Variants in FBN2 observed in about 807,000 individuals in gnomAD.
The protein encoded by FBN2 is fibrillin-2.
A neutral mutation model predicts 355.6 loss-of-function variants in FBN2; 105 were observed. The observed-to-expected ratio is 0.30, with a 90% CI of 0.25 to 0.35. The LOEUF (loss-of-function observed/expected upper bound fraction) is 0.35, where lower values mean the gene tolerates loss of function less well. Among genes scored for constraint, FBN2 ranks in the 10% least tolerant of loss-of-function variants. FBN2 has a pLI of 1.00. For missense variants in FBN2, 3,280 were observed against 3,758.7 expected, an observed-to-expected ratio of 0.87 and a Z score of 3.33; for synonymous variants, 1,350 against 1,301.2, an observed-to-expected ratio of 1.04 and a Z score of -0.81.
intron 55 of FBN2, among the ~76,000 whole-genome samples, chr5:128,286,329 G>T (rs1415964149): frequency 6.6e-6 from 1 of 152,132 alleles, no homozygotes; most frequent in African/African-American, 2.4e-5. Flanking sequence ...GACAGATACA[G>T]CTAAAATCAC....
chr5:128,299,121 G>A (rs1485247426), intron 48 of FBN2, among the ~76,000 whole-genome samples: 1 of 152,048 alleles, frequency 6.6e-6, no homozygotes, highest in Non-Finnish European at 1.5e-5. Flanking sequence ...CCCTGCTGGG[G>A]GGTGCCTCCC....
At chr5:128,391,764 T>G (rs1752518677) in intron 11 of FBN2, among the ~76,000 whole-genome samples, 2 of 152,112 alleles carry the variant, frequency 1.3e-5, no homozygotes, top group South Asian at 2.1e-4. Context: ...TAAGCATTTC[T>G]AAGGAGAATG....
chr5:128,384,380 C>T (rs549506379), intron 11 of FBN2, among the ~76,000 whole-genome samples: 4 of 152,012 alleles, frequency 2.6e-5, no homozygotes, highest in South Asian at 2.1e-4. Context: ...ATCTGATTGT[C>T]GTCATGAGTT....
chr5:128,333,874 CA>C (rs1561775562), intron 31 of FBN2, among the ~76,000 whole-genome samples: 1 of 65,612 alleles, frequency 1.5e-5, no homozygotes, highest in East Asian at 9.2e-4. Flanking sequence ...CACACACACA[CA>C]CTACTGGCTT....
chr5:128,395,380 A>T, intron 8 of FBN2, 106 bp from the exon 9 acceptor site: 1 of 1,133,268 alleles, frequency 8.8e-7, no homozygotes, highest in East Asian at 2.4e-5. Context: ...ATACCACTTA[A>T]TCTCTGTTAT....
chr5:128,480,403 C>A lies in FBN2; in HGVS notation c.629-15482G>T, dbSNP rs142065097. 4.6e-5 allele frequency among the ~76,000 whole-genome samples: 7 copies of A among 152,120 alleles called. No individual in the cohort carries two copies. In the East Asian group the frequency reaches 7.7e-4, roughly 17 times the overall value. ...CAGAATTCTAGCTTCACCAGCTACACGCCTATGGTCTTGAATAGGCTAAGT... is the reference window on the plus strand; with the variant it reads ...CAGAATTCTAGCTTCACCAGCTACAAGCCTATGGTCTTGAATAGGCTAAGT... On this transcript the variant is annotated intron_variant, in intron 5 of 64. Transcript: ENST00000262464.
At chr5:128,303,579 C>A (rs1212650921) in intron 45 of FBN2, among the ~76,000 whole-genome samples, 1 of 152,028 alleles carries the variant, frequency 6.6e-6, no homozygotes, top group Non-Finnish European at 1.5e-5. Context: ...CACTATTAGC[C>A]TTCAAAAAAA....
At chr5:128,352,109 A>G (rs955295525) in intron 20 of FBN2, among the ~76,000 whole-genome samples, 1 of 152,210 alleles carries the variant, frequency 6.6e-6, no homozygotes, top group African/African-American at 2.4e-5. Context: ...TTTAAAAGAA[A>G]AAGCCCTATA....
intron 7 of FBN2, among the ~76,000 whole-genome samples, chr5:128,416,587 T>C (rs1443782381): frequency 3.3e-5 from 5 of 152,232 alleles, no homozygotes; most frequent in African/African-American, 4.8e-5. Context: ...AATTTTTGTA[T>C]ATGGTGAGAG....
chr5:128,500,606 G>A (rs1755784909), intron 5 of FBN2, among the ~76,000 whole-genome samples: 1 of 151,472 alleles, frequency 6.6e-6, no homozygotes, highest in Non-Finnish European at 1.5e-5. Flanking sequence ...CACCGCACCC[G>A]GCTAATTTTT....
At chr5:128,272,683 TG>T (rs905772508) in intron 61 of FBN2, among the ~76,000 whole-genome samples, 37 of 152,058 alleles carry the variant, frequency 2.4e-4, no homozygotes, top group African/African-American at 7.5e-4. Context: ...AGACAAGATG[TG>T]GTATTATTAT....
intron 7 of FBN2, among the ~76,000 whole-genome samples, chr5:128,440,732 T>C (rs1203187359): frequency 6.6e-6 from 1 of 152,200 alleles, no homozygotes; most frequent in East Asian, 1.9e-4. Flanking sequence ...GCAATTACAA[T>C]TCTAAAGTCA....
At chr5:128,397,604 T>A (rs1045791962) in intron 8 of FBN2, among the ~76,000 whole-genome samples, 1 of 152,212 alleles carries the variant, frequency 6.6e-6, no homozygotes, top group Non-Finnish European at 1.5e-5. Context: ...TTCTTGCAGC[T>A]TTCATGGTGA....
chr5:128,396,397 T>A (rs947924281), intron 8 of FBN2, among the ~76,000 whole-genome samples: 9 of 152,214 alleles, frequency 5.9e-5, no homozygotes, highest in African/African-American at 2.2e-4. Flanking sequence ...GATGAGACAG[T>A]TTCAAGAACT....
At chr5:128,418,387 TG>T (rs2127012318) in intron 7 of FBN2, among the ~76,000 whole-genome samples, 1 of 152,260 alleles carries the variant, frequency 6.6e-6, no homozygotes, top group South Asian at 2.1e-4. Flanking sequence ...CCACTAATTT[TG>T]GGTTTGGTTT....
At position 128,309,378 on chromosome 5, in the gene FBN2, T is replaced by C. The variant is rs1437438964; in HGVS notation, c.5222A>G (p.Tyr1741Cys). Residue 1741 changes from tyrosine to cysteine, a missense_variant, in exon 41 of 65, where the codon TAC (tyrosine) becomes TGC (cysteine). By Grantham distance (194) the Tyr-to-Cys change is radical. Coordinates refer to ENST00000262464, the MANE Select transcript of FBN2 (RefSeq NM_001999.4). ...NCMDMRKSFC[Y>C]RSYNGTTCEN... Reference sequence around the variant, plus strand: ...ACAAGTGGTTCCATTATAGCTTCGGTAGCAAAAGCTTTTTCTCATGTCTAT... The same window carrying C: ...ACAAGTGGTTCCATTATAGCTTCGGCAGCAAAAGCTTTTTCTCATGTCTAT... The C allele has an allele frequency of 1.2e-6, 2 of 1,613,880 alleles. No homozygotes were observed. The highest frequency in any genetic ancestry group is 1.7e-6 in the Non-Finnish European group (2 of 1,179,886).
chr5:128,306,747 T>C (rs1166314698), intron 42 of FBN2, among the ~76,000 whole-genome samples: 1 of 152,040 alleles, frequency 6.6e-6, no homozygotes, highest in Non-Finnish European at 1.5e-5. Context: ...TTTAGACCAG[T>C]AAAAAGGGAT....
chr5:128,366,331 G>A (rs767725926), intron 17 of FBN2, 46 bp downstream of exon 17: 7 of 1,011,878 alleles, frequency 6.9e-6, no homozygotes, highest in South Asian at 2.7e-5. Flanking sequence ...AAAGCTATAC[G>A]ATTATGTCAC....
At chr5:128,340,831 C>CTA (rs1316270684) in intron 25 of FBN2, among the ~76,000 whole-genome samples, 8 of 150,738 alleles carry the variant, frequency 5.3e-5, no homozygotes, top group East Asian at 3.9e-4. Flanking sequence ...CTCTCTCTCT[C>CTA]TCTCTATATA....
Sources: gnomAD v4.1 joint callset for allele counts (sites outside exome capture counted in the v4.1 genomes callset) on GRCh38, gnomAD v4.1.1 for gene constraint, MANE v1.5 for transcripts, NCBI Gene and HGNC (gene_info 2026-07-23, HGNC 2026-07-21) for gene names.